Variants in VRK1 observed in about 807,000 individuals in gnomAD.
VRK1 encodes the protein VRK serine/threonine kinase 1, also known as serine/threonine-protein kinase VRK1.
Under a neutral mutation model 57.1 loss-of-function variants are expected in VRK1, and 33 were observed. The ratio of observed to expected loss-of-function variants is 0.58; its 90% confidence interval spans 0.44 to 0.77. The LOEUF (loss-of-function observed/expected upper bound fraction) is 0.77, where lower values mean the gene tolerates loss of function less well. Ranked by LOEUF, VRK1 falls within the 30% of genes least tolerant of loss-of-function variation. The pLI, the probability that VRK1 is intolerant of heterozygous loss-of-function variation, is 0.00. For missense variants in VRK1, 413 were observed against 477.3 expected (o/e 0.87, Z 1.25); for synonymous variants, 137 against 147.8 (o/e 0.93, Z 0.53).
At chr14:96,874,772 G>T (rs1888960535) in intron 11 of VRK1, among the ~76,000 whole-genome samples, 1 of 152,158 alleles carries the variant, frequency 6.6e-6, no homozygotes, top group Non-Finnish European at 1.5e-5. Context: ...CCGTTTGGAG[G>T]TTTTAAGGTA....
chr14:96,813,709 A>G (rs1048558559), intron 1 of VRK1, among the ~76,000 whole-genome samples: 10 of 152,108 alleles, frequency 6.6e-5, no homozygotes, highest in African/African-American at 2.2e-4. Context: ...TACTATTTTT[A>G]TGGCATTTAT....
chr14:96,800,260 A>G (rs1885606841), intron 1 of VRK1, among the ~76,000 whole-genome samples: 1 of 152,070 alleles, frequency 6.6e-6, no homozygotes, highest in Non-Finnish European at 1.5e-5. Flanking sequence ...CTTGAATGAT[A>G]TTTAAGCACC....
intron 11 of VRK1, among the ~76,000 whole-genome samples, chr14:96,862,884 T>C (rs1229953492): frequency 6.6e-6 from 1 of 152,214 alleles, no homozygotes; most frequent in Non-Finnish European, 1.5e-5. Flanking sequence ...ATATTTTCTG[T>C]GTATATATCA....
At chr14:96,815,650 G>T (rs1355528882) in intron 1 of VRK1, among the ~76,000 whole-genome samples, 1 of 152,020 alleles carries the variant, frequency 6.6e-6, no homozygotes, top group African/African-American at 2.4e-5. Context: ...TTGGAAGGCT[G>T]AGGTGGGAGG....
intron 4 of VRK1, among the ~76,000 whole-genome samples, chr14:96,846,372 G>A (rs1043031976): frequency 2.6e-4 from 40 of 152,076 alleles, no homozygotes; most frequent in Non-Finnish European, 7.4e-5. Flanking sequence ...TACATAGAAT[G>A]AAGTTAATAA....
intron 1 of VRK1, among the ~76,000 whole-genome samples, chr14:96,804,502 A>G (rs10136629): frequency 0.97 from 147,804 of 152,282 alleles, 71,873 homozygotes; most frequent in East Asian, 1. Flanking sequence ...AGAACTGGCT[A>G]TTTTTGGGAG....
intron 1 of VRK1, among the ~76,000 whole-genome samples, chr14:96,817,158 C>T (rs10145383): frequency 0.62 from 94,743 of 151,988 alleles, 30,368 homozygotes; most frequent in African/African-American, 0.68. Context: ...TTCTCTACTT[C>T]ATATGTATTT....
At chr14:96,878,342 A>G (rs1889121546) in intron 12 of VRK1, among the ~76,000 whole-genome samples, 1 of 152,206 alleles carries the variant, frequency 6.6e-6, no homozygotes, top group Admixed American at 6.5e-5. Flanking sequence ...CAATTCAGTG[A>G]ACACTGTGTT....
intron 1 of VRK1, among the ~76,000 whole-genome samples, chr14:96,821,441 A>C (rs533908536): frequency 2.6e-5 from 4 of 152,332 alleles, no homozygotes; most frequent in Non-Finnish European, 4.4e-5. Context: ...TAAAGTTAAA[A>C]AAAACAAAAC....
intron 11 of VRK1, 99 bp downstream of exon 11, chr14:96,860,834 C>A: frequency 7.6e-7 from 1 of 1,319,632 alleles, no homozygotes; most frequent in Non-Finnish European, 1.1e-6. Context: ...AGAACAATAA[C>A]AGATTGCATG....
intron 1 of VRK1, among the ~76,000 whole-genome samples, chr14:96,812,616 T>A (rs1886248365): frequency 6.6e-6 from 1 of 152,236 alleles, no homozygotes; most frequent in Non-Finnish European, 1.5e-5. Context: ...TTGAGTTCAT[T>A]AACCTTTTAA....
At chr14:96,821,587 A>G (rs1222409797) in intron 1 of VRK1, among the ~76,000 whole-genome samples, 1 of 152,228 alleles carries the variant, frequency 6.6e-6, no homozygotes, top group Non-Finnish European at 1.5e-5. Flanking sequence ...TCCAATAGCA[A>G]TACAGTTGTA....
chr14:96,857,732 C>G (rs190173476), intron 10 of VRK1, among the ~76,000 whole-genome samples: 7 of 152,140 alleles, frequency 4.6e-5, no homozygotes, highest in Non-Finnish European at 1.0e-4. Context: ...GCTCAGTTGT[C>G]TCCTTTTCAG....
intron 2 of VRK1, among the ~76,000 whole-genome samples, chr14:96,835,167 C>T (rs1035552863): frequency 2.2e-4 from 34 of 152,074 alleles, no homozygotes; most frequent in African/African-American, 6.5e-4. Flanking sequence ...TGAGTATTGT[C>T]GCCTCCAGTC....
intron 12 of VRK1, 40 bp downstream of exon 12, chr14:96,876,160 A>G (rs1356200277): frequency 1.9e-6 from 3 of 1,601,230 alleles, no homozygotes; most frequent in African/African-American, 2.7e-5. Context: ...TCATAGGTAA[A>G]CACAAATTTC....
At chr14:96,828,230 G>C (rs186069470) in intron 1 of VRK1, among the ~76,000 whole-genome samples, 5 of 152,196 alleles carry the variant, frequency 3.3e-5, no homozygotes, top group African/African-American at 1.2e-4. Context: ...CATGTCTTTG[G>C]GTGGACATGT....
intron 3 of VRK1, among the ~76,000 whole-genome samples, chr14:96,841,834 C>CAAA (rs397933004): frequency 2.3e-4 from 31 of 136,192 alleles, no homozygotes; most frequent in African/African-American, 4.0e-4. Flanking sequence ...GACTCTATCT[C>CAAA]AAAAAAAAAA....
intron 1 of VRK1, among the ~76,000 whole-genome samples, chr14:96,828,712 A>G (rs1886893682): frequency 6.6e-6 from 1 of 152,170 alleles, no homozygotes; most frequent in Non-Finnish European, 1.5e-5. Flanking sequence ...GTTGTGTTAA[A>G]TAGCTCTATA....
At chr14:96,809,548 A>AGCTTGCTT (rs58196233) in intron 1 of VRK1, among the ~76,000 whole-genome samples, 78 of 135,436 alleles carry the variant, frequency 5.8e-4, no homozygotes, top group African/African-American at 1.9e-3. Flanking sequence ...ATATGCATCT[A>AGCTTGCTT]GCTTGCTTGC....
Sources: gnomAD v4.1 joint callset for allele counts (sites outside exome capture counted in the v4.1 genomes callset) on GRCh38, gnomAD v4.1.1 for gene constraint, MANE v1.5 for transcripts, NCBI Gene and HGNC (gene_info 2026-07-23, HGNC 2026-07-21) for gene names.